ST3GAL6: variants seen among roughly 807,000 people sequenced by gnomAD.
The protein encoded by ST3GAL6 is ST3 beta-galactoside alpha-2,3-sialyltransferase 6, also known as type 2 lactosamine alpha-2,3-sialyltransferase.
A neutral mutation model predicts 40.5 loss-of-function variants in ST3GAL6; 31 were observed. That is an observed-to-expected ratio of 0.77 (90% CI 0.58 to 1.03). The LOEUF (loss-of-function observed/expected upper bound fraction) is 1.03. Among genes scored for constraint, ST3GAL6 ranks in the 50% least tolerant of loss-of-function variants. The probability of loss-of-function intolerance (pLI) is 0.00; values close to 1 mark genes in which losing one functional copy is unlikely to be tolerated. For missense variants in ST3GAL6, 357 were observed against 393.2 expected (o/e 0.91, Z 0.78); for synonymous variants, 129 against 136.9 (o/e 0.94, Z 0.40).
At chr3:98,773,307 A>G (rs1939190611) in intron 4 of ST3GAL6, 1 of 156,926 alleles carries the variant, frequency 6.4e-6, no homozygotes, top group South Asian at 1.9e-4. Context: ...AGCGATTCTT[A>G]TCTCCTTAAG....
intron 5 of ST3GAL6, chr3:98,782,142 A>G (rs2107288712): frequency 1.5e-6 from 1 of 669,218 alleles, no homozygotes; most frequent in South Asian, 1.6e-5. Context: ...TTGGCTTTCT[A>G]GAATAGGGAT....
intron 5 of ST3GAL6, chr3:98,782,586 A>G: frequency 1.9e-6 from 1 of 517,340 alleles, no homozygotes; most frequent in East Asian, 3.7e-5. Flanking sequence ...TGCTTCCAGC[A>G]CTGTCCCTGG....
chr3:98,742,206 A>G (rs1434132474), intron 1 of ST3GAL6, among the ~76,000 whole-genome samples: 1 of 152,192 alleles, frequency 6.6e-6, no homozygotes, highest in Non-Finnish European at 1.5e-5. Flanking sequence ...TGATATATCA[A>G]TGTGTTATTC....
intron 1 of ST3GAL6, among the ~76,000 whole-genome samples, chr3:98,765,858 A>G (rs1437482811): frequency 6.6e-6 from 1 of 152,114 alleles, no homozygotes; most frequent in Non-Finnish European, 1.5e-5. Flanking sequence ...TTTTCTTTGA[A>G]TGTTTTTGCT....
At chr3:98,763,494 A>G in intron 1 of ST3GAL6, 55 bp downstream of exon 1, 1 of 1,285,902 alleles carries the variant, frequency 7.8e-7, no homozygotes, top group South Asian at 1.2e-5. Context: ...TTAAATCTAG[A>G]TGCTGCTGAG....
chr3:98,761,213 G>A (rs1274667689), upstream of ST3GAL6, among the ~76,000 whole-genome samples: 4 of 152,136 alleles, frequency 2.6e-5, no homozygotes, highest in African/African-American at 9.7e-5. Flanking sequence ...AGGAGGCTGA[G>A]GCAGGAGGAT....
intron 3 of ST3GAL6, chr3:98,772,342 C>G (rs1939087138): frequency 6.6e-6 from 1 of 152,594 alleles, no homozygotes; most frequent in Non-Finnish European, 1.5e-5. Context: ...AACATCTTCC[C>G]TTATAATTAG....
intron 1 of ST3GAL6, among the ~76,000 whole-genome samples, chr3:98,767,873 G>T (rs1938528448): frequency 6.6e-6 from 1 of 152,084 alleles, no homozygotes. Context: ...CAAATAGGTG[G>T]ATCTAAAAGT....
At chr3:98,749,775 T>C (rs1303021744) in intron 1 of ST3GAL6, among the ~76,000 whole-genome samples, 1 of 152,160 alleles carries the variant, frequency 6.6e-6, no homozygotes, top group African/African-American at 2.4e-5. Flanking sequence ...TGCTTTCAAG[T>C]GTAAGGAAGG....
chr3:98,782,132 T>G, intron 5 of ST3GAL6: 1 of 658,068 alleles, frequency 1.5e-6, no homozygotes, highest in Non-Finnish European at 2.7e-6. Flanking sequence ...TTTGATAAAG[T>G]TGGCTTTCTA....
intron 1 of ST3GAL6, among the ~76,000 whole-genome samples, chr3:98,741,714 A>T (rs1204629455): frequency 6.6e-6 from 1 of 152,190 alleles, no homozygotes; most frequent in African/African-American, 2.4e-5. Flanking sequence ...TAACAGGTAA[A>T]TTCTACATGT....
At chr3:98,777,389 C>T (rs928121062) in intron 5 of ST3GAL6, among the ~76,000 whole-genome samples, 6 of 152,178 alleles carry the variant, frequency 3.9e-5, no homozygotes, top group Admixed American at 1.3e-4. Flanking sequence ...CAAATCAGGG[C>T]TTTGCCCATT....
rs1383373615 is a variant in ST3GAL6, at chr3:98,732,985, G to C, written c.-12+453G>C. The C allele has an allele frequency of 2.7e-6, 4 of 1,490,044 alleles. No individual in the cohort carries two copies. The African/African-American group carries it at 5.8e-5, about 22-fold the overall frequency. The allele number at this position is 1,490,044 out of a possible 1,614,324, so 92.3% of individuals were successfully genotyped here. The stretch of plus-strand genomic sequence containing the variant: ...CTCGGCGGGTCACTCTTGCCGGCCG[G>C]CTTCGCTGCGGGTTTGCACTGCCCG... On this transcript the variant is annotated intron_variant, in intron 1 of 9. Coordinates refer to the ST3GAL6 transcript ENST00000265261.
chr3:98,786,971 TG>T (rs1940783055), intron 6 of ST3GAL6, among the ~76,000 whole-genome samples: 2 of 151,656 alleles, frequency 1.3e-5, no homozygotes, highest in Non-Finnish European at 2.9e-5. Context: ...TGTGTGTGTG[TG>T]TGTGTGTGTG....
intron 1 of ST3GAL6, among the ~76,000 whole-genome samples, chr3:98,750,234 C>CCA (rs1936894757): frequency 6.6e-6 from 1 of 152,180 alleles, no homozygotes; most frequent in Non-Finnish European, 1.5e-5. Flanking sequence ...AATAAGGTCA[C>CCA]CATTCTTCTA....
chr3:98,791,686 T>A (rs1395302752), intron 8 of ST3GAL6, among the ~76,000 whole-genome samples, 155 bp from the exon 9 acceptor site: 1 of 152,252 alleles, frequency 6.6e-6, no homozygotes, highest in African/African-American at 2.4e-5. Context: ...ATATGCATAC[T>A]CTTTGGGGCT....
intron 1 of ST3GAL6, among the ~76,000 whole-genome samples, chr3:98,764,900 TA>T (rs199823754): frequency 4.0e-5 from 6 of 151,454 alleles, no homozygotes; most frequent in Non-Finnish European, 5.9e-5. Flanking sequence ...GCATTTAGGG[TA>T]AAAAAAAATA....
chr3:98,763,101 G>C (rs1438213952), upstream of ST3GAL6: 1 of 985,250 alleles, frequency 1.0e-6, no homozygotes, highest in African/African-American at 1.7e-5. Context: ...GTACATTAAG[G>C]CTCAGGTCAT....
rs202158623 is a variant in ST3GAL6, at chr3:98,773,876, G to T, written c.272-44G>T. 12 of 1,551,772 alleles carry T rather than the reference G, an allele frequency of 7.7e-6. No individual in the cohort carries two copies. In the African/African-American group the frequency reaches 1.2e-4, roughly 16 times the overall value. On this transcript the variant is annotated intron_variant, in intron 4 of 9. Coordinates refer to ENST00000483910, the MANE Select transcript of ST3GAL6 (RefSeq NM_001323368.2). The stretch of plus-strand genomic sequence containing the variant: ...AAGGTGGTTTACTAAGTACTAAAAA[G>T]ACATGATTATCCTTTTATTCATAAC...
Sources: allele counts gnomAD v4.1 joint callset (sites outside exome capture counted in the v4.1 genomes callset), GRCh38; gene constraint gnomAD v4.1.1; transcripts MANE v1.5; gene names NCBI Gene and HGNC (gene_info 2026-07-23, HGNC 2026-07-21).